COL6A5: variants seen among roughly 807,000 people sequenced by gnomAD.
COL6A5 encodes collagen alpha-5(VI) chain.
A neutral mutation model predicts 65.6 loss-of-function variants in COL6A5; 48 were observed. The ratio of observed to expected loss-of-function variants is 0.73; its 90% CI spans 0.58 to 0.93. COL6A5 has a LOEUF of 0.93. Among genes scored for constraint, COL6A5 ranks in the 40% least tolerant of loss-of-function variants. The pLI is 0.00. For synonymous variants in COL6A5, 291 were observed against 322.8 expected (o/e 0.90, Z 1.05); for missense variants, 914 against 928.3 (o/e 0.98, Z 0.20).
At chr3:130,378,369 A>G (rs1393713664) in intron 3 of COL6A5, among the ~76,000 whole-genome samples, 1 of 152,146 alleles carries the variant, frequency 6.6e-6, no homozygotes, top group Non-Finnish European at 1.5e-5. Context: ...CAATACTCAC[A>G]TGCAATTTAT....
At chr3:130,350,454 C>A (rs1003433269) in intron 1 of COL6A5, among the ~76,000 whole-genome samples, 1 of 152,248 alleles carries the variant, frequency 6.6e-6, no homozygotes, top group Non-Finnish European at 1.5e-5. Context: ...TAAGCAACTT[C>A]AGCAAAGTCT....
At position 130,460,137 on chromosome 3, in the gene COL6A5, T is replaced by C. The variant is rs188315709; in HGVS notation, c.1544+4471T>C. ...TGCAGCAGTATTGGCTTCTGAGTCA[T>C]CCAAGGAACATCAGCTGAATGTTCT... On this transcript the variant is annotated intron_variant, in intron 5 of 7. Transcript: ENST00000512836. 1.7e-3 allele frequency among the ~76,000 whole-genome samples: 258 copies of C among 152,240 alleles called. 2 individuals carry two copies. The highest frequency in any genetic ancestry group is 6.0e-3 in the African/African-American group (249 of 41,568).
rs1936824097 is a variant in COL6A5, at chr3:130,401,758, C to G, written c.4135-4C>G. ...TTCCCTCAGCTTTACTTTTTTTCCC[C>G]CAGGGAAATATTGCAGAGAGGACTT... On this transcript the variant is annotated splice_polypyrimidine_tract_variant and splice_region_variant and intron_variant and NMD_transcript_variant, in intron 11 of 41. Transcript: ENST00000312481. The G allele has an allele frequency of 6.5e-7, 1 of 1,547,338 alleles. No individual in the cohort carries two copies. The highest frequency in any genetic ancestry group is 1.2e-5 in the South Asian group (1 of 83,722).
chr3:130,426,671 T>A (rs1376001902), upstream of COL6A5, among the ~76,000 whole-genome samples: 1 of 152,018 alleles, frequency 6.6e-6, no homozygotes, highest in African/African-American at 2.4e-5. Flanking sequence ...ACCCAAAAGA[T>A]GAGTGAATTA....
chr3:130,450,140 G>T (rs1709398744), intron 4 of COL6A5, among the ~76,000 whole-genome samples: 2 of 151,958 alleles, frequency 1.3e-5, no homozygotes, highest in Admixed American at 1.3e-4. Flanking sequence ...ATTTGTTTGT[G>T]CTGGGGGTTG....
exon 3 of COL6A5, chr3:130,440,584 C>T: frequency 6.2e-7 from 1 of 1,613,512 alleles, no homozygotes; most frequent in Non-Finnish European, 8.5e-7. Flanking sequence ...ACAAGGTCAT[C>T]TTTGTGGTCT....
chr3:130,400,923 C>G, intron 10 of COL6A5, 108 bp from the exon 11 acceptor site: 1 of 920,660 alleles, frequency 1.1e-6, no homozygotes, highest in Non-Finnish European at 1.5e-6. Context: ...TTGTTTTTTT[C>G]CCCTTTTCAA....
At chr3:130,449,608 A>G (rs1420706195) in intron 4 of COL6A5, among the ~76,000 whole-genome samples, 1 of 152,118 alleles carries the variant, frequency 6.6e-6, no homozygotes, top group Non-Finnish European at 1.5e-5. Context: ...AAACATCAGC[A>G]CCAGTATCTA....
chr3:130,354,065 GAAAGA>G (rs1279262021), intron 1 of COL6A5, among the ~76,000 whole-genome samples: 2 of 141,366 alleles, frequency 1.4e-5, no homozygotes, highest in Non-Finnish European at 1.6e-5. Context: ...AAGCAAACAA[GAAAGA>G]AAAGAAAAGA....
At chr3:130,369,740 G>A (rs1472925027) in intron 1 of COL6A5, among the ~76,000 whole-genome samples, 1 of 152,160 alleles carries the variant, frequency 6.6e-6, no homozygotes, top group Non-Finnish European at 1.5e-5. Flanking sequence ...TGGCTAGGGA[G>A]CTTTAGCCCC....
At chr3:130,397,119 G>A (rs151216696) in intron 8 of COL6A5, among the ~76,000 whole-genome samples, 152 of 151,990 alleles carry the variant, frequency 1.0e-3, no homozygotes, top group African/African-American at 3.5e-3. Flanking sequence ...CACCTGCCTC[G>A]GCCTCCTAAA....
intron 4 of COL6A5, 45 bp from the exon 37 acceptor site, chr3:130,455,407 CCTT>C: frequency 1.7e-6 from 2 of 1,149,944 alleles, no homozygotes; most frequent in Non-Finnish European, 2.5e-6. Flanking sequence ...TTATTTGCCT[CCTT>C]CTCTAAAGTT....
intron 7 of COL6A5, among the ~76,000 whole-genome samples, chr3:130,483,087 A>G (rs1710290530): frequency 6.6e-6 from 1 of 152,192 alleles, no homozygotes; most frequent in Non-Finnish European, 1.5e-5. Flanking sequence ...TTGTTAAAGA[A>G]AAGAATTTTC....
chr3:130,465,147 A>C (rs534555122), intron 5 of COL6A5, among the ~76,000 whole-genome samples: 2 of 152,220 alleles, frequency 1.3e-5, no homozygotes, highest in East Asian at 3.9e-4. Context: ...GAGTGTTTTC[A>C]GGACATGGTA....
chr3:130,413,981 C>T, intron 21 of COL6A5, 88 bp from the exon 22 acceptor site: 2 of 963,894 alleles, frequency 2.1e-6, no homozygotes, highest in East Asian at 2.6e-5. Flanking sequence ...CAAAATAGTA[C>T]CTATTTCTGA....
chr3:130,401,156 A>G (rs1470137222), exon 11 of COL6A5: 1 of 1,545,910 alleles, frequency 6.5e-7, no homozygotes, highest in Admixed American at 2.0e-5. Context: ...ACTGGGCAAA[A>G]AACTATCACA....
chr3:130,463,712 C>T (rs574541828), intron 5 of COL6A5, among the ~76,000 whole-genome samples: 16 of 152,142 alleles, frequency 1.1e-4, no homozygotes, highest in Admixed American at 2.6e-4. Context: ...AAATACACAG[C>T]GCCATTGTGA....
At chr3:130,376,935 C>A in intron 3 of COL6A5, 99 bp downstream of exon 3, 2 of 1,326,328 alleles carry the variant, frequency 1.5e-6, no homozygotes, top group Non-Finnish European at 2.0e-6. Context: ...TCATGATTAG[C>A]CATGTTGAAG....
chr3:130,416,208 A>G lies in COL6A5; in HGVS notation c.4824+501A>G, dbSNP rs114044525. Among the ~76,000 whole-genome samples the G allele has an allele frequency of 7.0e-3, 1,066 of 152,188 alleles. 6 individuals carry two copies. Among genetic ancestry groups the G allele is most frequent in the Middle Eastern group, 0.017 (5 of 294 alleles). On this transcript the variant is annotated intron_variant and NMD_transcript_variant, in intron 23 of 41. Coordinates refer to the COL6A5 transcript ENST00000312481. ...TGAATGGTGAAGGATGTGTAGGAAAAATGTTCTAAATCTATTCAGTTCTGC... is the reference window on the plus strand; with the variant it reads ...TGAATGGTGAAGGATGTGTAGGAAAGATGTTCTAAATCTATTCAGTTCTGC...
Sources: gnomAD v4.1 joint callset for allele counts (sites outside exome capture counted in the v4.1 genomes callset) on GRCh38, gnomAD v4.1.1 for gene constraint, MANE v1.5 for transcripts, NCBI Gene and HGNC (gene_info 2026-07-23, HGNC 2026-07-21) for gene names.